The following TENM2 variants were observed in gnomAD, a reference collection of about 807,000 sequenced individuals.
The protein encoded by TENM2 is teneurin-2.
In TENM2, 52 loss-of-function variants were observed where a neutral mutation model predicts 245.2. The observed-to-expected ratio is 0.21, with a 90% CI of 0.17 to 0.27. The LOEUF (loss-of-function observed/expected upper bound fraction) is 0.27. TENM2 is among the 10% of genes least tolerant of loss of function. TENM2 has a pLI of 1.00. For missense variants in TENM2, 3,046 were observed against 3,666.8 expected, an observed-to-expected ratio of 0.83 and a Z score of 4.37; for synonymous variants, 1,363 against 1,438.9, an observed-to-expected ratio of 0.95 and a Z score of 1.19.
At chr5:167,967,849 G>A (rs1161085709) in intron 4 of TENM2, among the ~76,000 whole-genome samples, 1 of 152,066 alleles carries the variant, frequency 6.6e-6, no homozygotes, top group Non-Finnish European at 1.5e-5. Context: ...TCATTCCCTT[G>A]AGGCACTTCC....
intron 1 of TENM2, chr5:167,309,957 A>T (rs950308258): frequency 3.3e-5 from 5 of 152,266 alleles, no homozygotes; most frequent in African/African-American, 7.2e-5. Context: ...TGTGAACTAG[A>T]TTACTAAAAT....
chr5:167,030,206 A>G, the TENM2 span, among the ~76,000 whole-genome samples: 2 of 152,072 alleles, frequency 1.3e-5, no homozygotes, highest in Admixed American at 6.6e-5. Flanking sequence ...CCTTCTGAAC[A>G]CTCACACTTC....
rs138164146 is a variant in TENM2 at position 167,852,841 on chromosome 5, G to A, written c.503-23145G>A. Among the ~76,000 whole-genome samples the A allele has an allele frequency of 4.1e-3, 630 of 152,204 alleles. 7 individuals are homozygous for A. Among genetic ancestry groups the A allele is most frequent in the African/African-American group, 0.014 (596 of 41,530 alleles). On this transcript the variant is annotated intron_variant, in intron 2 of 28. Transcript: ENST00000518659. ...CTAATGTGAGTCCAATTTTAATAGT[G>A]GGTGTCATTATGAGCTGAATTTGTT...
intron 2 of TENM2, among the ~76,000 whole-genome samples, chr5:167,569,078 CTTTTTTTTTTTTTTTTT>C (rs34311803): frequency 1.4e-4 from 7 of 48,966 alleles, no homozygotes; most frequent in African/African-American, 1.9e-4. Flanking sequence ...CTTCCTACAG[CTTTTTTTTTTTTTTTTT>C]TTTTTTTTTT....
chr5:167,802,950 G>A (rs530341258), intron 2 of TENM2, among the ~76,000 whole-genome samples: 24 of 152,208 alleles, frequency 1.6e-4, no homozygotes, highest in African/African-American at 5.8e-4. Context: ...TGTTGACCCT[G>A]TATATTCAAA....
rs190165715 is a variant in TENM2 at position 167,840,534 on chromosome 5, C to T, written c.503-35452C>T. On this transcript the variant is annotated intron_variant, in intron 2 of 28. Transcript: ENST00000518659. ...TCCTGGAGCACCTAACCGCGTCTCC[C>T]CTCCTTCCTCCCCCAGCCCCCCACA... Among the ~76,000 whole-genome samples, 631 of 152,156 alleles carry T rather than the reference C, an allele frequency of 4.1e-3. 3 individuals carry two copies. Among genetic ancestry groups the T allele is most frequent in the Non-Finnish European group, 6.6e-3 (449 of 67,996 alleles).
At chr5:167,791,418 TATATA>T (rs1041381442) in intron 2 of TENM2, among the ~76,000 whole-genome samples, 69 of 146,240 alleles carry the variant, frequency 4.7e-4, no homozygotes, top group African/African-American at 1.7e-3. Flanking sequence ...AGATATGAAA[TATATA>T]ATATATTATA....
At chr5:167,193,001 A>G in the TENM2 span, among the ~76,000 whole-genome samples, 1 of 152,162 alleles carries the variant, frequency 6.6e-6, no homozygotes, top group Admixed American at 6.6e-5. Context: ...GTTTAGTATG[A>G]ATAATGAAAA....
chr5:167,884,346 ATCCACCTCTAAAACATATTCATCT>A (rs1448294789), intron 3 of TENM2, among the ~76,000 whole-genome samples: 1 of 152,184 alleles, frequency 6.6e-6, no homozygotes, highest in East Asian at 1.9e-4. Context: ...CATCACCACC[ATCCACCTCTAAAACATATTCATCT>A]TCCTCAACAG....
chr5:168,231,577 A>T (rs1218029607), intron 25 of TENM2, among the ~76,000 whole-genome samples: 2 of 152,172 alleles, frequency 1.3e-5, no homozygotes, highest in Non-Finnish European at 2.9e-5. Context: ...TCATTAGCAG[A>T]GTGATGTGCT....
intron 2 of TENM2, among the ~76,000 whole-genome samples, chr5:167,398,692 G>A (rs1223648874): frequency 2.0e-5 from 3 of 151,924 alleles, no homozygotes; most frequent in Admixed American, 6.6e-5. Context: ...CACCTGCCTC[G>A]GCCTCCCAAA....
At chr5:167,877,388 A>C (rs953831992) in intron 3 of TENM2, among the ~76,000 whole-genome samples, 24 of 152,222 alleles carry the variant, frequency 1.6e-4, no homozygotes, top group Admixed American at 1.6e-3. Flanking sequence ...GTAAACTCAT[A>C]TTCTTTTTCA....
intron 1 of TENM2, among the ~76,000 whole-genome samples, chr5:167,327,300 T>C (rs1299371107): frequency 3.9e-5 from 6 of 152,220 alleles, no homozygotes; most frequent in Non-Finnish European, 7.3e-5. Flanking sequence ...CTTGCGATAG[T>C]TTGCTGACAT....
intron 1 of TENM2, among the ~76,000 whole-genome samples, chr5:167,342,507 C>CTTTTTTTTTTTTTTTTTT (rs35451881): frequency 1.8e-5 from 1 of 54,278 alleles, no homozygotes; most frequent in East Asian, 5.3e-4. Flanking sequence ...TAAAGTTATT[C>CTTTTTTTTTTTTTTTTTT]TTTTTTTTTT....
the TENM2 span, among the ~76,000 whole-genome samples, chr5:167,276,811 A>G: frequency 1.3e-5 from 2 of 151,948 alleles, no homozygotes; most frequent in African/African-American, 4.8e-5. Flanking sequence ...TTATTGTTGT[A>G]TGGTTATTTT....
intron 2 of TENM2, among the ~76,000 whole-genome samples, chr5:167,471,265 C>T (rs1283567561): frequency 2.6e-5 from 4 of 152,130 alleles, no homozygotes; most frequent in Admixed American, 2.6e-4. Flanking sequence ...GTTAGATCTA[C>T]AAGTACAATC....
chr5:168,259,619 G>A (rs1000246388), intron 27 of TENM2, among the ~76,000 whole-genome samples: 9 of 152,144 alleles, frequency 5.9e-5, no homozygotes, highest in African/African-American at 2.2e-4. Context: ...GCTGGAGAAA[G>A]CCTCTCATGG....
intron 2 of TENM2, among the ~76,000 whole-genome samples, chr5:167,409,404 A>G (rs1307805334): frequency 6.6e-6 from 1 of 152,044 alleles, no homozygotes; most frequent in Non-Finnish European, 1.5e-5. Context: ...GAACTTTCAT[A>G]TCCTGAAGGG....
At chr5:167,465,558 G>T (rs1766588306) in intron 2 of TENM2, among the ~76,000 whole-genome samples, 1 of 152,206 alleles carries the variant, frequency 6.6e-6, no homozygotes, top group African/African-American at 2.4e-5. Context: ...GGCCGGGCGC[G>T]GTGGCTCACG....
Sources: gnomAD v4.1 joint callset for allele counts (sites outside exome capture counted in the v4.1 genomes callset) on GRCh38, gnomAD v4.1.1 for gene constraint, MANE v1.5 for transcripts, NCBI Gene and HGNC (gene_info 2026-07-23, HGNC 2026-07-21) for gene names.